Variants in MYO5C observed in about 807,000 individuals in gnomAD.
MYO5C encodes unconventional myosin-Vc.
In MYO5C, 194 loss-of-function variants were observed where a neutral mutation model predicts 235.7. That is an observed-to-expected ratio of 0.82 (90% confidence interval 0.73 to 0.93). The LOEUF is 0.93. MYO5C is among the 40% of genes least tolerant of loss of function. MYO5C has a pLI of 0.00. For synonymous variants in MYO5C, 707 were observed against 754.8 expected (o/e 0.94, Z 1.04); for missense variants, 2,038 against 2,127.2 (o/e 0.96, Z 0.82).
At chr15:52,278,483 C>T (rs983812821) in intron 4 of MYO5C, among the ~76,000 whole-genome samples, 3 of 151,944 alleles carry the variant, frequency 2.0e-5, no homozygotes, top group Non-Finnish European at 4.4e-5. Flanking sequence ...TCTCCTGCAC[C>T]TAAAACCTCC....
At chr15:52,223,519 C>G in intron 29 of MYO5C, 25 bp downstream of exon 29, 1 of 1,603,626 alleles carries the variant, frequency 6.2e-7, no homozygotes. Context: ...ATGGCCACGA[C>G]TGGGGCCCCT....
At chr15:52,295,474 C>G in intron 1 of MYO5C, 136 bp downstream of exon 1, 1 of 1,035,784 alleles carries the variant, frequency 9.7e-7, no homozygotes, top group South Asian at 2.3e-5. Context: ...GCCTCCGCGG[C>G]CCCCAGCGCG....
At chr15:52,286,097 T>G (rs2037261403) in intron 1 of MYO5C, among the ~76,000 whole-genome samples, 1 of 148,076 alleles carries the variant, frequency 6.8e-6, no homozygotes, top group South Asian at 2.2e-4. Context: ...GTCTGAGAAG[T>G]GAGGAGCCCC....
chr15:52,227,848 G>A (rs1329841582), intron 25 of MYO5C, among the ~76,000 whole-genome samples: 2 of 152,286 alleles, frequency 1.3e-5, no homozygotes, highest in African/African-American at 4.8e-5. Flanking sequence ...TCTAAACCAC[G>A]CATGGCTAGT....
At chr15:52,223,749 A>G in intron 28 of MYO5C, 25 bp from the exon 29 acceptor site, 1 of 1,602,594 alleles carries the variant, frequency 6.2e-7, no homozygotes, top group South Asian at 1.1e-5. Flanking sequence ...GTCAAGAAAT[A>G]AACCACATGG....
Position 52,278,955 on chromosome 15 carries a change from G to A in MYO5C, c.367C>T (p.His123Tyr), listed in dbSNP as rs773601350. The A allele has an allele frequency of 8.7e-6, 14 of 1,613,942 alleles. No individual in the cohort carries two copies. The highest frequency in any genetic ancestry group is 2.5e-6 in the Non-Finnish European group (3 of 1,180,008). ...CCCATGTTCTGCCCGCTGTAGGCGTGGATGATGGCATCTCCGTATATTGGC... is the reference window on the plus strand; with the variant it reads ...CCCATGTTCTGCCCGCTGTAGGCGTAGATGATGGCATCTCCGTATATTGGC... ...QLPIYGDAII[H>Y]AYSGQNMGDM... Residue 123 changes from histidine to tyrosine, a missense_variant, in exon 4 of 41, where the codon CAC (histidine) becomes TAC (tyrosine). By Grantham distance (83) the His-to-Tyr change is moderately conservative (BLOSUM62 2). Transcript: ENST00000261839.
In MYO5C at chr15:52,221,756, C is replaced by A. The variant is rs180751619; in HGVS notation, c.3628-501G>T. Among the ~76,000 whole-genome samples, 129 of 152,304 alleles carry A rather than the reference C, an allele frequency of 8.5e-4. 2 individuals are homozygous for A. Among genetic ancestry groups the A allele is most frequent in the African/African-American group, 2.9e-3 (121 of 41,544 alleles). Reference sequence around the variant, plus strand: ...TCTTTACATGTCCATCGCCTCCACCCCCAGTTAGGTTAAAACAGGGTTTTT... The same window carrying A: ...TCTTTACATGTCCATCGCCTCCACCACCAGTTAGGTTAAAACAGGGTTTTT... On this transcript the variant is annotated intron_variant, in intron 29 of 40. Transcript: ENST00000261839.
At chr15:52,224,284 G>GAAACA (rs965971455) in intron 28 of MYO5C, among the ~76,000 whole-genome samples, 1 of 152,110 alleles carries the variant, frequency 6.6e-6, no homozygotes, top group South Asian at 2.1e-4. Context: ...CTCCATCTCA[G>GAAACA]AAACAAAACA....
rs2035637071 is a variant in MYO5C at position 52,219,820 on chromosome 15, T to G, written c.3724A>C (p.Lys1242Gln). The G allele has an allele frequency of 2.5e-6, 4 of 1,610,168 alleles. No individual in the cohort carries two copies. The highest frequency in any genetic ancestry group is 3.4e-6 in the Non-Finnish European group (4 of 1,177,234). ...AACTGATTAGACAATTCTTCTAGTTTTCCTATAATGAGAAGAACTGTCAGT... is the reference window on the plus strand; with the variant it reads ...AACTGATTAGACAATTCTTCTAGTTGTCCTATAATGAGAAGAACTGTCAGT... The part of the protein sequence containing the change: ...LNEQAEKMKG[K>Q]LEELSNQLHR... Residue 1242 changes from lysine (K) to glutamine (Q), a missense_variant and splice_region_variant, in exon 31 of 41, where the codon AAA becomes CAA. Lys to Gln is a moderately conservative substitution (Grantham distance 53). Coordinates refer to ENST00000261839, the MANE Select transcript of MYO5C (RefSeq NM_018728.4).
At chr15:52,231,204 T>C (rs2035944701) in intron 24 of MYO5C, among the ~76,000 whole-genome samples, 1 of 152,192 alleles carries the variant, frequency 6.6e-6, no homozygotes. Context: ...TGCAGGCCTC[T>C]TGGAGCCTCC....
At chr15:52,197,194 C>T (rs2035072465) in intron 38 of MYO5C, among the ~76,000 whole-genome samples, 2 of 152,216 alleles carry the variant, frequency 1.3e-5, no homozygotes, top group South Asian at 4.1e-4. Context: ...CAAATGTTCA[C>T]AGCAGCATTA....
intron 29 of MYO5C, among the ~76,000 whole-genome samples, chr15:52,222,656 G>C (rs1566967789): frequency 2.0e-5 from 3 of 152,146 alleles, no homozygotes; most frequent in African/African-American, 4.8e-5. Flanking sequence ...GAGGTGTGCG[G>C]AGGAAGTATG....
Position 52,241,932 on chromosome 15 carries a change from T to G in MYO5C, c.2556+116A>C, listed in dbSNP as rs979346420. ...GGAAGAATCTCCTTTCTGGCTTGGC[T>G]GACACTTTGTACAAAGTGAGGTTGC... On this transcript the variant is annotated intron_variant, in intron 20 of 40. Coordinates refer to ENST00000261839, the MANE Select transcript of MYO5C (RefSeq NM_018728.4). 24 of 1,190,796 alleles carry G rather than the reference T, an allele frequency of 2.0e-5. No homozygotes were observed. In the African/African-American group the frequency reaches 3.2e-4, roughly 16 times the overall value. The allele number at this position is 1,190,796 out of a possible 1,614,324, so 73.8% of individuals were successfully genotyped here. A position where few individuals can be genotyped will look rare whatever the true frequency, so the allele number is the denominator to read the frequency against.
intron 32 of MYO5C, among the ~76,000 whole-genome samples, 157 bp downstream of exon 32, chr15:52,218,362 C>T (rs1257825449): frequency 1.3e-5 from 2 of 152,198 alleles, no homozygotes; most frequent in Non-Finnish European, 2.9e-5. Context: ...AAGCCAACCT[C>T]AGAGACCACC....
chr15:52,241,593 C>T (rs926200419), intron 20 of MYO5C, among the ~76,000 whole-genome samples: 4 of 152,080 alleles, frequency 2.6e-5, no homozygotes, highest in Admixed American at 2.6e-4. Context: ...TTTCCCCAAC[C>T]CAGTCTCTGC....
rs750198337 is a variant in MYO5C at position 52,195,438 on chromosome 15, G to A, written c.5015C>T (p.Ser1672Leu). ...CTCAAAGTCATCTATAGGTGTGTAT[G>A]AATTAAGGATCTTTATGATCTGCAA... is the stretch of plus-strand genomic sequence containing the variant. Reference protein sequence around the residue: ...SAVQIIKILNSYTPIDDFEKR... With the variant: ...SAVQIIKILNLYTPIDDFEKR... The change falls in exon 40 of 41, where the codon TCA (serine) becomes TTA (leucine). Residue 1672 changes from serine (S) to leucine (L), a missense_variant. Coordinates refer to ENST00000261839, the MANE Select transcript of MYO5C (RefSeq NM_018728.4). The A allele has an allele frequency of 6.2e-6, 10 of 1,612,310 alleles. No homozygotes were observed. Among genetic ancestry groups the A allele is most frequent in the Non-Finnish European group, 8.5e-6 (10 of 1,178,864 alleles).
intron 3 of MYO5C, 47 bp downstream of exon 3, chr15:52,279,462 C>G (rs2037119734): frequency 6.3e-7 from 1 of 1,580,032 alleles, no homozygotes; most frequent in African/African-American, 1.3e-5. Flanking sequence ...AGACAGCAAG[C>G]TTACATTCCA....
At chr15:52,261,181 A>G in intron 9 of MYO5C, 54 bp from the exon 10 acceptor site, 2 of 1,591,982 alleles carry the variant, frequency 1.3e-6, no homozygotes, top group Admixed American at 1.7e-5. Context: ...AAAGACACAC[A>G]ATCCCACCCG....
chr15:52,213,258 G>A lies in MYO5C; in HGVS notation c.4071C>T (p.Pro1357=). The change falls in exon 34 of 41, where the codon CCC becomes CCT. Residue 1357 remains proline (P), a synonymous_variant. Transcript: ENST00000261839. ...ATTGCAGCATTCCAAGGTACTCCTT[G>A]GGTCCTGAGGACGAGTGCACATCAT... ...KANDVHSSSG[P]KEYLGMLQYK... is the part of the protein sequence containing the mutation. 1.2e-6 allele frequency: 2 copies of A among 1,613,924 alleles called. No homozygotes were observed. The highest frequency in any genetic ancestry group is 1.7e-6 in the Non-Finnish European group (2 of 1,179,898).
Sources: allele counts gnomAD v4.1 joint callset (sites outside exome capture counted in the v4.1 genomes callset), GRCh38; gene constraint gnomAD v4.1.1; transcripts MANE v1.5; gene names NCBI Gene and HGNC (gene_info 2026-07-23, HGNC 2026-07-21).